Variants in ZNF541 observed in about 807,000 individuals in gnomAD.
ZNF541 encodes the protein zinc finger protein 541.
Under a neutral mutation model 123.5 loss-of-function variants are expected in ZNF541, and 23 were observed. That is an observed-to-expected ratio of 0.19 (90% CI 0.13 to 0.26). ZNF541 has a LOEUF of 0.26. Among genes scored for constraint, ZNF541 ranks in the 10% least tolerant of loss-of-function variants. The pLI is 1.00. For missense variants in ZNF541, 1,612 were observed against 1,789.9 expected, an observed-to-expected ratio of 0.90 and a Z score of 1.79; for synonymous variants, 751 against 754.5, an observed-to-expected ratio of 1.00 and a Z score of 0.08.
intron 4 of ZNF541, among the ~76,000 whole-genome samples, chr19:47,548,313 T>C (rs551024270): frequency 2.1e-3 from 313 of 150,304 alleles, no homozygotes; most frequent in Middle Eastern, 3.4e-3. Context: ...CGGGGTGGCA[T>C]GCGCCTGTAG....
intron 2 of ZNF541, among the ~76,000 whole-genome samples, chr19:47,558,273 G>A (rs976440061): frequency 8.6e-5 from 13 of 151,856 alleles, no homozygotes; most frequent in African/African-American, 2.7e-4. Flanking sequence ...AAAATTAGCC[G>A]GGCATGGTGG....
chr19:47,532,916 T>G lies in ZNF541; in HGVS notation c.3151A>C (p.Ile1051Leu). 6.4e-7 allele frequency: 1 copy of G among 1,550,578 alleles called. No homozygotes were observed. The highest frequency in any genetic ancestry group is 8.7e-7 in the Non-Finnish European group (1 of 1,146,406). ...GGAAAGGACCCAACTTACGGCTCAATGCTGATTTTGGTGTCATCCTTCACC... is the reference window on the plus strand; with the variant it reads ...GGAAAGGACCCAACTTACGGCTCAAGGCTGATTTTGGTGTCATCCTTCACC... ...CVVKDDTKISIEPHINIGSRF... is the reference protein window; with the variant it reads ...CVVKDDTKISLEPHINIGSRF... The change falls in exon 10 of 17, where the codon ATT becomes CTT. Residue 1051 changes from isoleucine (I) to leucine (L), a missense_variant. This residue lies in a region of ZNF541 where 285 missense variants were observed against 407.3 expected (regional missense o/e 0.70). Coordinates refer to ENST00000391901, the MANE Select transcript of ZNF541 (RefSeq NM_001277075.3).
At chr19:47,548,801 C>A (rs1970473589) in intron 4 of ZNF541, among the ~76,000 whole-genome samples, 1 of 152,108 alleles carries the variant, frequency 6.6e-6, no homozygotes, top group African/African-American at 2.4e-5. Context: ...GTGGGCTGGG[C>A]ACGGTGGCTC....
At position 47,521,602 on chromosome 19, in the gene ZNF541, T is replaced by A; in HGVS notation, c.3764A>T (p.Lys1255Met). The A allele has an allele frequency of 6.4e-7, 1 of 1,551,710 alleles. No homozygotes were observed. Among genetic ancestry groups the A allele is most frequent in the Non-Finnish European group, 8.7e-7 (1 of 1,146,964 alleles). The part of the protein sequence containing the change: ...RPSHHPTPKL[K>M]TKSYRRESIL... ...GGACTCCCTCCTATAACTCTTGGTC[T>A]TTAACTTGGGAGTTGGATGGTGGCT... Residue 1255 changes from lysine to methionine, a missense_variant, in exon 16 of 17, where the codon AAG (lysine) becomes ATG (methionine). By Grantham distance (95) the Lys-to-Met change is moderately conservative. Around this residue, in one of 5 missense-constraint regions of ZNF541, gnomAD observed 285 missense variants for 407.3 expected, o/e 0.70. Transcript: ENST00000391901. The surrounding 1 kb of genome is among the most constrained non-coding windows in gnomAD (Gnocchi z 4.2).
chr19:47,539,881 A>G lies in ZNF541; in HGVS notation c.2623-3T>C, dbSNP rs1433616882. On this transcript the variant is annotated splice_region_variant and splice_polypyrimidine_tract_variant and intron_variant, in intron 7 of 16. Coordinates refer to ENST00000391901, the MANE Select transcript of ZNF541 (RefSeq NM_001277075.3). ...TTGCAAAACTCTGTGCCAAACACCT[A>G]AACACAGAAGAGAAGAGATGGCTCT... is the stretch of plus-strand genomic sequence containing the variant. 2 of 1,525,224 alleles carry G rather than the reference A, an allele frequency of 1.3e-6. No homozygotes were observed. The highest frequency in any genetic ancestry group is 8.8e-7 in the Non-Finnish European group (1 of 1,140,402). 94.5% of individuals were successfully genotyped at this position (1,525,224 alleles called of 1,614,324 possible). A position where few individuals can be genotyped will look rare whatever the true frequency, so the allele number is the denominator to read the frequency against.
At chr19:47,557,752 T>A (rs1292659239) in intron 2 of ZNF541, among the ~76,000 whole-genome samples, 1 of 151,698 alleles carries the variant, frequency 6.6e-6, no homozygotes, top group Non-Finnish European at 1.5e-5. Context: ...GGCAGGAGGA[T>A]CACTTCAGCC....
chr19:47,545,733 C>A lies in ZNF541; in HGVS notation c.796G>T (p.Gly266Cys), dbSNP rs1304761015. 2 of 1,545,338 alleles carry A rather than the reference C, an allele frequency of 1.3e-6. No homozygotes were observed. The highest frequency in any genetic ancestry group is 2.4e-5 in the East Asian group (1 of 40,876). Reference protein sequence around the residue: ...SLVPPEARSPGSLLPHRDLLR... With the variant: ...SLVPPEARSPCSLLPHRDLLR... Reference sequence around the variant, plus strand: ...AGGTCCCGGTGGGGCAGGAGGGAGCCGGGGGACCTGGCCTCTGGGGGCACC... The same window carrying A: ...AGGTCCCGGTGGGGCAGGAGGGAGCAGGGGGACCTGGCCTCTGGGGGCACC... Residue 266 changes from glycine (G) to cysteine (C), a missense_variant, in exon 5 of 17, where the codon GGC becomes TGC. Gly to Cys is a radical substitution (Grantham distance 159). Around this residue, in one of 5 missense-constraint regions of ZNF541, gnomAD observed 1,080 missense variants for 1,013.8 expected, o/e 1.07. Coordinates refer to ENST00000391901, the MANE Select transcript of ZNF541 (RefSeq NM_001277075.3). This position sits in a 1 kb window ranked among gnomAD's most constrained non-coding sequence, Gnocchi z 7.5.
At chr19:47,536,836 A>C (rs1167755316) in intron 9 of ZNF541, among the ~76,000 whole-genome samples, 4 of 152,206 alleles carry the variant, frequency 2.6e-5, no homozygotes, top group Non-Finnish European at 5.9e-5. Context: ...AAACAACCCA[A>C]ATGTCCATCA....
At position 47,540,338 on chromosome 19, in the gene ZNF541, G is replaced by C; in HGVS notation, c.2463-3C>G. The C allele has an allele frequency of 6.4e-7, 1 of 1,550,918 alleles. No homozygotes were observed. Among genetic ancestry groups the C allele is most frequent in the Non-Finnish European group, 8.7e-7 (1 of 1,146,328 alleles). Reference sequence around the variant, plus strand: ...TGGGACTGCCGTTTTGCTGGTTACTGTGGGACATGGCAGGAAAGAAGAGTG... The same window carrying C: ...TGGGACTGCCGTTTTGCTGGTTACTCTGGGACATGGCAGGAAAGAAGAGTG... On this transcript the variant is annotated splice_polypyrimidine_tract_variant and splice_region_variant and intron_variant, in intron 6 of 16. Coordinates refer to ENST00000391901, the MANE Select transcript of ZNF541 (RefSeq NM_001277075.3).
At position 47,545,794 on chromosome 19, in the gene ZNF541, C is replaced by A; in HGVS notation, c.735G>T (p.Ser245=). 3.2e-6 allele frequency: 5 copies of A among 1,541,964 alleles called. No homozygotes were observed. Among genetic ancestry groups the A allele is most frequent in the Non-Finnish European group, 4.4e-6 (5 of 1,143,672 alleles). ...ACGDSPHAHE[S]AGQPPPSSLR... Reference sequence around the variant, plus strand: ...GGCTGCTGGGGGGCGGCTGGCCGGCCGACTCGTGGGCGTGGGGGGAGTCCC... The same window carrying A: ...GGCTGCTGGGGGGCGGCTGGCCGGCAGACTCGTGGGCGTGGGGGGAGTCCC... Residue 245 remains serine, a synonymous_variant, in exon 5 of 17, where the codon TCG becomes TCT. Transcript: ENST00000391901. The surrounding 1 kb of genome is among the most constrained non-coding windows in gnomAD (Gnocchi z 7.5).
chr19:47,542,234 C>T (rs925519914), intron 5 of ZNF541, among the ~76,000 whole-genome samples: 9 of 151,936 alleles, frequency 5.9e-5, no homozygotes, highest in East Asian at 5.8e-4. Flanking sequence ...GGGGGGAGGG[C>T]GAGATTGTGG....
chr19:47,569,601 G>T (rs190601172), intron 2 of ZNF541, among the ~76,000 whole-genome samples: 1 of 152,036 alleles, frequency 6.6e-6, no homozygotes, highest in Non-Finnish European at 1.5e-5. Context: ...GGTCATTCTC[G>T]CCTGTAATCC....
intron 9 of ZNF541, among the ~76,000 whole-genome samples, chr19:47,534,669 C>T (rs1171625249): frequency 3.3e-5 from 5 of 151,510 alleles, no homozygotes; most frequent in Admixed American, 6.6e-5. Flanking sequence ...CCAAACCACC[C>T]CCCCAAAACA....
At chr19:47,532,023 T>G in intron 11 of ZNF541, 105 bp downstream of exon 11, 1 of 1,440,020 alleles carries the variant, frequency 6.9e-7, no homozygotes. Context: ...CAGGGGACAC[T>G]ACTTGGATCT....
rs1361839863 is a variant in ZNF541 at position 47,521,829 on chromosome 19, C to G, written c.3711+25G>C. ...CAGGCACTGGGAGGAGAGAAGAGCT[C>G]CCGACACAGCCCTGGTTCCTCTACC... is the stretch of plus-strand genomic sequence containing the variant. On this transcript the variant is annotated intron_variant, in intron 15 of 16. Coordinates refer to ENST00000391901, the MANE Select transcript of ZNF541 (RefSeq NM_001277075.3). The surrounding 1 kb of genome is among the most constrained non-coding windows in gnomAD (Gnocchi z 4.2). 6.5e-7 allele frequency: 1 copy of G among 1,548,096 alleles called. No homozygotes were observed.
intron 3 of ZNF541, among the ~76,000 whole-genome samples, chr19:47,554,127 C>T (rs902311196): frequency 6.6e-6 from 1 of 152,024 alleles, no homozygotes; most frequent in African/African-American, 2.4e-5. Context: ...CTGACTTTAC[C>T]CACGTTTAAA....
chr19:47,558,093 T>C (rs1368049704), intron 2 of ZNF541, among the ~76,000 whole-genome samples: 1 of 152,010 alleles, frequency 6.6e-6, no homozygotes, highest in Non-Finnish European at 1.5e-5. Flanking sequence ...ACATCACTAA[T>C]GGCCTTAGAA....
intron 2 of ZNF541, among the ~76,000 whole-genome samples, chr19:47,566,317 C>T (rs1971261592): frequency 6.6e-6 from 1 of 151,998 alleles, no homozygotes. Flanking sequence ...AGAAGTAAGT[C>T]CACAATAGAT....
In ZNF541 at chr19:47,521,859, C is replaced by T. The variant is rs868450885; in HGVS notation, c.3706G>A (p.Glu1236Lys). The T allele has an allele frequency of 1.3e-6, 2 of 1,551,618 alleles. No homozygotes were observed. Among genetic ancestry groups the T allele is most frequent in the African/African-American group, 1.4e-5 (1 of 73,052 alleles). ...REPEEVERTE[E>K]KVPCSPRERP... ...CACAGCCCTGGTTCCTCTACCTTTT[C>T]CTCTGTCCTTTCCACTTCCTCCGGC... Residue 1236 changes from glutamate (E) to lysine (K), a missense_variant, in exon 15 of 17, where the codon GAA becomes AAA. Transcript: ENST00000391901. This position sits in a 1 kb window ranked among gnomAD's most constrained non-coding sequence, Gnocchi z 4.2.
Sources: gnomAD v4.1 joint callset for allele counts (sites outside exome capture counted in the v4.1 genomes callset) on GRCh38, gnomAD v4.1.1 for gene constraint, gnomAD v4.1.1 regional missense constraint, Gnocchi (gnomAD v3.1) non-coding constraint, MANE v1.5 for transcripts, NCBI Gene and HGNC (gene_info 2026-07-23, HGNC 2026-07-21) for gene names.